NUP155: variants seen among roughly 807,000 people sequenced by gnomAD.
NUP155 encodes nucleoporin 155, also known as nuclear pore complex protein Nup155.
In NUP155, 71 loss-of-function variants were observed where a neutral mutation model predicts 180.4. The observed-to-expected ratio is 0.39, with a 90% confidence interval of 0.33 to 0.48. The LOEUF (loss-of-function observed/expected upper bound fraction) is 0.48. Ranked by LOEUF, NUP155 falls within the 20% of genes least tolerant of loss-of-function variation. The probability of loss-of-function intolerance (pLI) is 0.91; values close to 1 mark genes in which losing one functional copy is unlikely to be tolerated. For missense variants in NUP155, 1,553 were observed against 1,648.9 expected (o/e 0.94, Z 1.01); for synonymous variants, 582 against 559.5 (o/e 1.04, Z -0.57).
rs575190350 is a variant in NUP155 at position 37,348,719 on chromosome 5, C to T, written c.904-123G>A. 153 of 704,830 alleles carry T rather than the reference C, an allele frequency of 2.2e-4. 1 individual carries two copies. Among genetic ancestry groups the T allele is most frequent in the South Asian group, 2.1e-3 (131 of 61,124 alleles). 43.7% of individuals were successfully genotyped at this position (704,830 alleles called of 1,614,324 possible). Reference sequence around the variant, plus strand: ...ATACAAACATGAAAACATTCAGATTCGAAATTTCATAGAAAGGGGACCCTT... The same window carrying T: ...ATACAAACATGAAAACATTCAGATTTGAAATTTCATAGAAAGGGGACCCTT... On this transcript the variant is annotated intron_variant, in intron 8 of 34. Coordinates refer to ENST00000231498, the MANE Select transcript of NUP155 (RefSeq NM_153485.3).
chr5:37,332,807 AT>A (rs1288576526), intron 13 of NUP155, among the ~76,000 whole-genome samples: 1 of 152,102 alleles, frequency 6.6e-6, no homozygotes, highest in Non-Finnish European at 1.5e-5. Flanking sequence ...AAATACAAAA[AT>A]TAACTGGGTG....
chr5:37,342,438 G>A, intron 10 of NUP155, 111 bp downstream of exon 10: 1 of 696,008 alleles, frequency 1.4e-6, no homozygotes, highest in East Asian at 2.8e-5. Context: ...TATTTATATG[G>A]CTTTACGGCA....
intron 32 of NUP155, among the ~76,000 whole-genome samples, chr5:37,297,545 A>C (rs951233642): frequency 1.3e-5 from 2 of 151,322 alleles, no homozygotes; most frequent in Non-Finnish European, 1.5e-5. Flanking sequence ...TGCCTGGATA[A>C]TTTTCCTATT....
intron 9 of NUP155, among the ~76,000 whole-genome samples, chr5:37,348,303 C>CA (rs1554131045): frequency 6.8e-6 from 1 of 148,020 alleles, no homozygotes; most frequent in Non-Finnish European, 1.5e-5. Flanking sequence ...GACCCTGTCT[C>CA]AAAAAAATAA....
intron 1 of NUP155, among the ~76,000 whole-genome samples, chr5:37,370,208 TAAA>T (rs1052640212): frequency 6.6e-6 from 1 of 151,864 alleles, no homozygotes; most frequent in African/African-American, 2.4e-5. Context: ...CGTCTCTACT[TAAA>T]AAACACAAAA....
Position 37,347,121 on chromosome 5 carries a change from G to C in NUP155, c.995+1384C>G, listed in dbSNP as rs561890176. 4.6e-5 allele frequency among the ~76,000 whole-genome samples: 7 copies of C among 152,162 alleles called. No individual in the cohort carries two copies. The East Asian group carries it at 1.4e-3, about 30-fold the overall frequency. On this transcript the variant is annotated intron_variant, in intron 9 of 34. Coordinates refer to ENST00000231498, the MANE Select transcript of NUP155 (RefSeq NM_153485.3). The stretch of plus-strand genomic sequence containing the variant: ...CATGTGCCTGTAGTCCTAGCCGCTC[G>C]GGAGGCTTAGGTGGGAGAATCGCTT...
intron 1 of NUP155, among the ~76,000 whole-genome samples, chr5:37,367,886 C>T (rs920357331): frequency 4.6e-5 from 7 of 151,852 alleles, no homozygotes; most frequent in African/African-American, 1.2e-4. Context: ...CTGGTTCAAG[C>T]GATTGTCCTG....
intron 1 of NUP155, among the ~76,000 whole-genome samples, chr5:37,366,366 T>C (rs1747584114): frequency 6.6e-6 from 1 of 152,246 alleles, no homozygotes; most frequent in Non-Finnish European, 1.5e-5. Flanking sequence ...ATGTACTGAT[T>C]ATCCAACTTA....
Position 37,333,452 on chromosome 5 carries a change from T to A in NUP155, c.1518+11A>T. ...TATTTTTGTCACTACCATAACAGAA[T>A]ACGTACACACCTGTGCTGAGAGGAG... On this transcript the variant is annotated intron_variant, in intron 13 of 34. Coordinates refer to ENST00000231498, the MANE Select transcript of NUP155 (RefSeq NM_153485.3). 1 of 1,612,282 alleles carries A rather than the reference T, an allele frequency of 6.2e-7. No homozygotes were observed. Among genetic ancestry groups the A allele is most frequent in the Non-Finnish European group, 8.5e-7 (1 of 1,178,352 alleles).
intron 33 of NUP155, 31 bp from the exon 34 acceptor site, chr5:37,293,016 G>A (rs755205516): frequency 2.2e-6 from 3 of 1,359,908 alleles, no homozygotes; most frequent in Non-Finnish European, 2.1e-6. Flanking sequence ...TGAAATGTGA[G>A]GCAAATTGTG....
chr5:37,318,175 C>CT lies in NUP155; in HGVS notation c.2208-91dup, dbSNP rs1581153698. 14 of 879,540 alleles carry CT rather than the reference C, an allele frequency of 1.6e-5. No individual in the cohort carries two copies. The East Asian group carries it at 3.2e-4, about 20-fold the overall frequency. 54.5% of individuals were successfully genotyped at this position (879,540 alleles called of 1,614,324 possible). ...ACAATTCAAACATTTAATATGTTTA[C>CT]TTTTTTTAAATAATTCAGAAGGTTG... On this transcript the variant is annotated intron_variant, in intron 20 of 34. Coordinates refer to ENST00000231498, the MANE Select transcript of NUP155 (RefSeq NM_153485.3).
At chr5:37,351,466 T>G in intron 5 of NUP155, 110 bp from the exon 6 acceptor site, 1 of 776,356 alleles carries the variant, frequency 1.3e-6, no homozygotes, top group Non-Finnish European at 2.1e-6. Flanking sequence ...TTTTTTTTTC[T>G]TGAGACAGTC....
chr5:37,297,820 A>G (rs969742449), intron 32 of NUP155, among the ~76,000 whole-genome samples: 7 of 152,120 alleles, frequency 4.6e-5, no homozygotes, highest in African/African-American at 7.2e-5. Context: ...AACCGTTTCC[A>G]TATTATACCT....
intron 33 of NUP155, among the ~76,000 whole-genome samples, chr5:37,293,396 G>A (rs1332621263): frequency 6.6e-6 from 1 of 152,152 alleles, no homozygotes; most frequent in African/African-American, 2.4e-5. Flanking sequence ...GGCTTCACCA[G>A]TTACTAGCCA....
Position 37,371,003 on chromosome 5 carries a change from C to T in NUP155, c.-26G>A. ...CTCGGAAATCGTAGACACCAGGGTC[C>T]AGAAAAAGTCAAAAACCAAGGAGAA... On this transcript the variant is annotated 5_prime_UTR_variant, in exon 1 of 35. Coordinates refer to ENST00000231498, the MANE Select transcript of NUP155 (RefSeq NM_153485.3). 1 of 1,611,064 alleles carries T rather than the reference C, an allele frequency of 6.2e-7. No homozygotes were observed. Among genetic ancestry groups the T allele is most frequent in the South Asian group, 1.1e-5 (1 of 91,042 alleles).
intron 20 of NUP155, among the ~76,000 whole-genome samples, chr5:37,318,376 G>A (rs2150955670): frequency 6.6e-6 from 1 of 151,984 alleles, no homozygotes; most frequent in South Asian, 2.1e-4. Context: ...AGGAGAGAAA[G>A]GAAGGAAGGA....
At position 37,308,666 on chromosome 5, in the gene NUP155, G is replaced by C. The variant is rs572437735; in HGVS notation, c.2767+463C>G. On this transcript the variant is annotated intron_variant, in intron 24 of 34. Coordinates refer to ENST00000231498, the MANE Select transcript of NUP155 (RefSeq NM_153485.3). ...GCTGAGATCGCACCACTGCACTTCA[G>C]CCTGGGTGACAGAGCAAGACTCTGT... 3.3e-5 allele frequency among the ~76,000 whole-genome samples: 5 copies of C among 151,950 alleles called. No homozygotes were observed. In the South Asian group the frequency reaches 1.0e-3, roughly 32 times the overall value.
chr5:37,299,676 G>A, intron 30 of NUP155, 108 bp from the exon 31 acceptor site: 6 of 1,143,694 alleles, frequency 5.2e-6, no homozygotes, highest in Non-Finnish European at 7.7e-6. Flanking sequence ...TTTACATAAA[G>A]TTTCTGAAAT....
Position 37,317,686 on chromosome 5 carries a change from CA to C in NUP155, c.2305+301del, listed in dbSNP as rs1291796999. 6.4e-5 allele frequency among the ~76,000 whole-genome samples: 6 copies of C among 94,288 alleles called. No individual in the cohort carries two copies. In the East Asian group the frequency reaches 2.1e-3, roughly 33 times the overall value. The allele number at this position is 94,288 out of a possible 152,430, so 61.9% of individuals were successfully genotyped here. A position where few individuals can be genotyped will look rare whatever the true frequency, so the allele number is the denominator to read the frequency against. ...CCATATTATCCTACTTTCCCAATCA[CA>C]CTTTTTTTTTTTTTTTTTGAGGCAG... On this transcript the variant is annotated intron_variant, in intron 21 of 34. Coordinates refer to ENST00000231498, the MANE Select transcript of NUP155 (RefSeq NM_153485.3).
Sources: allele counts gnomAD v4.1 joint callset (sites outside exome capture counted in the v4.1 genomes callset), GRCh38; gene constraint gnomAD v4.1.1; transcripts MANE v1.5; gene names NCBI Gene and HGNC (gene_info 2026-07-23, HGNC 2026-07-21).